CAMKMT: variants seen among roughly 807,000 people sequenced by gnomAD.
CAMKMT encodes calmodulin-lysine N-methyltransferase.
In CAMKMT, 53 loss-of-function variants were observed where a neutral mutation model predicts 48.0. The observed-to-expected ratio is 1.10, with a 90% CI of 0.89 to 1.39. CAMKMT has a LOEUF of 1.39. CAMKMT is among the 40% of genes most tolerant of loss of function. The pLI is 0.00. For synonymous variants in CAMKMT, 165 were observed against 152.3 expected (o/e 1.08, Z -0.61); for missense variants, 428 against 402.7 (o/e 1.06, Z -0.54).
intron 3 of CAMKMT, among the ~76,000 whole-genome samples, chr2:44,552,637 A>G (rs1667783676): frequency 6.6e-6 from 1 of 152,174 alleles, no homozygotes; most frequent in Non-Finnish European, 1.5e-5. Flanking sequence ...ATTTACATAC[A>G]TCATCTCATT....
At chr2:44,614,767 C>G (rs534164126) in intron 3 of CAMKMT, among the ~76,000 whole-genome samples, 5 of 151,872 alleles carry the variant, frequency 3.3e-5, no homozygotes, top group African/African-American at 1.2e-4. Flanking sequence ...AAAGATGTTC[C>G]AAGCAGAAAG....
At chr2:44,555,746 G>T (rs1191675659) in intron 3 of CAMKMT, among the ~76,000 whole-genome samples, 19 of 152,182 alleles carry the variant, frequency 1.2e-4, no homozygotes. Flanking sequence ...GAAAGGTAAT[G>T]CCCAAAGAGG....
At chr2:44,410,718 A>G (rs1683145449) in intron 3 of CAMKMT, among the ~76,000 whole-genome samples, 1 of 152,186 alleles carries the variant, frequency 6.6e-6, no homozygotes, top group Non-Finnish European at 1.5e-5. Context: ...TGGAGAAATA[A>G]CTTCATTAAC....
intron 7 of CAMKMT, among the ~76,000 whole-genome samples, chr2:44,736,381 T>A (rs994710360): frequency 2.0e-5 from 3 of 152,236 alleles, no homozygotes; most frequent in Non-Finnish European, 2.9e-5. Context: ...AAAAAAAATA[T>A]GCTGTCATCC....
intron 3 of CAMKMT, among the ~76,000 whole-genome samples, chr2:44,575,370 C>T (rs895604198): frequency 5.3e-5 from 8 of 151,432 alleles, no homozygotes; most frequent in Non-Finnish European, 1.2e-4. Flanking sequence ...TGAGCCACCA[C>T]GCCCAGCCCT....
intron 6 of CAMKMT, among the ~76,000 whole-genome samples, chr2:44,710,814 G>A (rs956459538): frequency 2.0e-5 from 3 of 152,184 alleles, no homozygotes; most frequent in Non-Finnish European, 4.4e-5. Context: ...CTGAAGGTGA[G>A]CAACCCTCTC....
At chr2:44,439,446 C>T (rs1250418394) in intron 3 of CAMKMT, among the ~76,000 whole-genome samples, 1 of 152,100 alleles carries the variant, frequency 6.6e-6, no homozygotes, top group African/African-American at 2.4e-5. Flanking sequence ...TCCCTGCCAC[C>T]CACCTCCTCT....
chr2:44,593,755 A>G (rs1007554439), intron 3 of CAMKMT, among the ~76,000 whole-genome samples: 2 of 134,996 alleles, frequency 1.5e-5, no homozygotes, highest in Non-Finnish European at 3.1e-5. Flanking sequence ...TTTGAAAAAG[A>G]CAACTTCCTT....
At chr2:44,652,290 A>G (rs1191841333) in intron 3 of CAMKMT, among the ~76,000 whole-genome samples, 1 of 152,210 alleles carries the variant, frequency 6.6e-6, no homozygotes, top group African/African-American at 2.4e-5. Context: ...TCTTATAAAG[A>G]GGACTTGCCC....
At chr2:44,737,756 C>T (rs1218691635) in intron 7 of CAMKMT, among the ~76,000 whole-genome samples, 2 of 149,450 alleles carry the variant, frequency 1.3e-5, no homozygotes, top group Non-Finnish European at 3.0e-5. Flanking sequence ...CTCTCTCTTT[C>T]TCTCTCTCTC....
chr2:44,532,858 G>T (rs1435591974), intron 3 of CAMKMT, among the ~76,000 whole-genome samples: 1 of 151,604 alleles, frequency 6.6e-6, no homozygotes, highest in African/African-American at 2.4e-5. Flanking sequence ...TGTCACCCAG[G>T]CTGGAGTACA....
chr2:44,513,163 C>T (rs768263441), intron 3 of CAMKMT, among the ~76,000 whole-genome samples: 3 of 152,090 alleles, frequency 2.0e-5, no homozygotes, highest in South Asian at 2.1e-4. Flanking sequence ...GCCCTCAGGC[C>T]GCTCTTCTGT....
intron 3 of CAMKMT, among the ~76,000 whole-genome samples, chr2:44,589,925 ATT>A (rs1332476025): frequency 1.1e-4 from 3 of 28,050 alleles, no homozygotes; most frequent in South Asian, 1.2e-3. Context: ...AAAAAAAAAA[ATT>A]TTAATTTCCA....
chr2:44,614,386 T>C (rs910505003), intron 3 of CAMKMT, among the ~76,000 whole-genome samples: 1 of 152,214 alleles, frequency 6.6e-6, no homozygotes, highest in Non-Finnish European at 1.5e-5. Context: ...ATACTGTGAC[T>C]GGGGAACAGT....
intron 3 of CAMKMT, among the ~76,000 whole-genome samples, chr2:44,668,724 A>G (rs1255212259): frequency 6.6e-6 from 1 of 151,774 alleles, no homozygotes; most frequent in African/African-American, 2.4e-5. Flanking sequence ...CCTTACCTCC[A>G]CTGCTTAAGT....
At chr2:44,409,383 C>G (rs1215645371) in intron 3 of CAMKMT, among the ~76,000 whole-genome samples, 1 of 152,020 alleles carries the variant, frequency 6.6e-6, no homozygotes, top group Non-Finnish European at 1.5e-5. Context: ...TTTACACTTT[C>G]ATATCATGTG....
At chr2:44,430,279 A>G (rs1195341794) in intron 3 of CAMKMT, among the ~76,000 whole-genome samples, 2 of 151,920 alleles carry the variant, frequency 1.3e-5, no homozygotes, top group Non-Finnish European at 1.5e-5. Context: ...TGTCTCCTTT[A>G]GCAGCCCTGA....
chr2:44,740,577 TG>T (rs1292318524), intron 7 of CAMKMT, among the ~76,000 whole-genome samples: 1 of 152,008 alleles, frequency 6.6e-6, no homozygotes, highest in East Asian at 1.9e-4. Flanking sequence ...ACAAAGGAAA[TG>T]TAAGTATAAC....
chr2:44,593,077 C>T (rs1670403141), intron 3 of CAMKMT, among the ~76,000 whole-genome samples: 1 of 152,094 alleles, frequency 6.6e-6, no homozygotes, highest in South Asian at 2.1e-4. Context: ...AGATGTGTTA[C>T]TGGGAAACAG....
Sources: allele counts gnomAD v4.1 joint callset (sites outside exome capture counted in the v4.1 genomes callset), GRCh38; gene constraint gnomAD v4.1.1; transcripts MANE v1.5; gene names NCBI Gene and HGNC (gene_info 2026-07-23, HGNC 2026-07-21).